ARHGAP44: variants seen among roughly 807,000 people sequenced by gnomAD.
ARHGAP44 encodes the protein Rho GTPase activating protein 44.
Under a neutral mutation model 106.8 loss-of-function variants are expected in ARHGAP44, and 43 were observed. The observed-to-expected ratio is 0.40, with a 90% CI of 0.32 to 0.52. The LOEUF is 0.52. ARHGAP44 is among the 20% of genes least tolerant of loss of function. The pLI is 0.48. For synonymous variants in ARHGAP44, 439 were observed against 410.3 expected (o/e 1.07, Z -0.85); for missense variants, 866 against 1,050.5 (o/e 0.82, Z 2.43).
intron 5 of ARHGAP44, among the ~76,000 whole-genome samples, chr17:12,918,555 C>T (rs552707555): frequency 1.3e-5 from 2 of 152,138 alleles, no homozygotes; most frequent in Non-Finnish European, 2.9e-5. Flanking sequence ...TGGAAGAACT[C>T]GTAGCCGAGA....
At chr17:12,919,387 C>CTT (rs375129968) in intron 5 of ARHGAP44, among the ~76,000 whole-genome samples, 83,959 of 135,674 alleles carry the variant, frequency 0.62, 26,548 homozygotes, top group East Asian at 0.88. Context: ...AATAGTTCTT[C>CTT]TTTTTTTTTT....
intron 16 of ARHGAP44, among the ~76,000 whole-genome samples, chr17:12,967,507 G>A (rs17638387): frequency 0.1 from 15,296 of 152,008 alleles, 889 homozygotes; most frequent in South Asian, 0.2. Flanking sequence ...ATCATGGAGT[G>A]CCCGGGAAGG....
At chr17:12,938,356 G>A (rs2038607810) in intron 7 of ARHGAP44, among the ~76,000 whole-genome samples, 2 of 151,980 alleles carry the variant, frequency 1.3e-5, no homozygotes, top group African/African-American at 2.4e-5. Flanking sequence ...TAATATGGAA[G>A]AATTACTAGA....
At chr17:12,855,776 T>G (rs1195437940) in intron 1 of ARHGAP44, among the ~76,000 whole-genome samples, 1 of 152,238 alleles carries the variant, frequency 6.6e-6, no homozygotes, top group African/African-American at 2.4e-5. Context: ...TGAGAAACAC[T>G]TGTGTGATGA....
intron 1 of ARHGAP44, among the ~76,000 whole-genome samples, chr17:12,807,093 GGA>G (rs1451546512): frequency 6.6e-6 from 1 of 152,116 alleles, no homozygotes; most frequent in Non-Finnish European, 1.5e-5. Context: ...TGCTTACATA[GGA>G]ACCCAAGGCA....
At chr17:12,861,340 A>C (rs2036066603) in intron 1 of ARHGAP44, among the ~76,000 whole-genome samples, 1 of 152,132 alleles carries the variant, frequency 6.6e-6, no homozygotes. Flanking sequence ...TCACAAACTT[A>C]GTGACTTTAA....
At chr17:12,852,173 C>G (rs2035766316) in intron 1 of ARHGAP44, among the ~76,000 whole-genome samples, 1 of 137,660 alleles carries the variant, frequency 7.3e-6, no homozygotes, top group East Asian at 2.4e-4. Flanking sequence ...CACAAAACCA[C>G]CCTCCCCTAA....
intron 10 of ARHGAP44, among the ~76,000 whole-genome samples, chr17:12,944,539 G>A (rs2038798139): frequency 6.6e-6 from 1 of 151,680 alleles, no homozygotes; most frequent in Non-Finnish European, 1.5e-5. Flanking sequence ...AGGCTGGAGT[G>A]CAGTGGCGCG....
chr17:12,826,098 A>T (rs1413286880), intron 1 of ARHGAP44, among the ~76,000 whole-genome samples: 1 of 152,192 alleles, frequency 6.6e-6, no homozygotes, highest in Non-Finnish European at 1.5e-5. Flanking sequence ...CTTTTAAGTC[A>T]GGGGTACGTG....
intron 1 of ARHGAP44, 47 bp from the exon 2 acceptor site, chr17:12,894,893 T>C (rs1255658737): frequency 8.5e-6 from 13 of 1,533,336 alleles, no homozygotes; most frequent in East Asian, 2.4e-5. Flanking sequence ...ATTATGAGGC[T>C]CTGTTGTTAG....
At chr17:12,856,474 T>C (rs2035915210) in intron 1 of ARHGAP44, among the ~76,000 whole-genome samples, 1 of 152,212 alleles carries the variant, frequency 6.6e-6, no homozygotes, top group Non-Finnish European at 1.5e-5. Flanking sequence ...AGTATGACTA[T>C]ATGTAGGAAA....
chr17:12,847,231 G>A (rs2035593985), intron 1 of ARHGAP44, among the ~76,000 whole-genome samples: 1 of 152,196 alleles, frequency 6.6e-6, no homozygotes, highest in Non-Finnish European at 1.5e-5. Flanking sequence ...GAGGAACTAT[G>A]TCTCTACAAA....
intron 16 of ARHGAP44, 67 bp from the exon 17 acceptor site, chr17:12,973,235 A>T: frequency 6.5e-7 from 1 of 1,531,396 alleles, no homozygotes; most frequent in African/African-American, 1.4e-5. Context: ...ACAGAAAGAC[A>T]ACCTTTATGT....
At chr17:12,968,656 C>G (rs765507233) in intron 16 of ARHGAP44, among the ~76,000 whole-genome samples, 21 of 152,104 alleles carry the variant, frequency 1.4e-4, no homozygotes, top group Non-Finnish European at 2.5e-4. Flanking sequence ...CAGAGCCCCG[C>G]GAGACTAAGA....
At chr17:12,971,798 C>A (rs1445999481) in intron 16 of ARHGAP44, among the ~76,000 whole-genome samples, 1 of 152,130 alleles carries the variant, frequency 6.6e-6, no homozygotes, top group Non-Finnish European at 1.5e-5. Flanking sequence ...TTGAAGCCAT[C>A]CAGCGGAGAT....
intron 16 of ARHGAP44, among the ~76,000 whole-genome samples, chr17:12,967,316 A>G (rs571281790): frequency 7.0e-6 from 1 of 143,466 alleles, no homozygotes; most frequent in East Asian, 2.0e-4. Context: ...GCTGGTCTCA[A>G]ACTCCTGGGC....
chr17:12,879,038 T>A (rs924060161), intron 1 of ARHGAP44, among the ~76,000 whole-genome samples: 1 of 152,204 alleles, frequency 6.6e-6, no homozygotes, highest in African/African-American at 2.4e-5. Context: ...GTTACATGAA[T>A]AAGTTCATTA....
In ARHGAP44 at chr17:12,872,034, A is replaced by G. The variant is rs574782495; in HGVS notation, c.54-22906A>G. 2.0e-4 allele frequency among the ~76,000 whole-genome samples: 31 copies of G among 152,312 alleles called. 2 individuals carry two copies. The South Asian group carries it at 5.2e-3, about 25-fold the overall frequency. ...ACACATCCCCTTCTCTGTGGATCCAATATCAAGATACCTATTCCATATAAA... is the reference window on the plus strand; with the variant it reads ...ACACATCCCCTTCTCTGTGGATCCAGTATCAAGATACCTATTCCATATAAA... On this transcript the variant is annotated intron_variant, in intron 1 of 20. Coordinates refer to ENST00000379672, the MANE Select transcript of ARHGAP44 (RefSeq NM_014859.6).
intron 1 of ARHGAP44, among the ~76,000 whole-genome samples, chr17:12,841,912 G>A (rs542371673): frequency 1.3e-4 from 20 of 152,214 alleles, no homozygotes; most frequent in South Asian, 1.2e-3. Context: ...ATGCAAACAC[G>A]TTGAAAAAGA....
Sources: allele counts gnomAD v4.1 joint callset (sites outside exome capture counted in the v4.1 genomes callset), GRCh38; gene constraint gnomAD v4.1.1; transcripts MANE v1.5; gene names NCBI Gene and HGNC (gene_info 2026-07-23, HGNC 2026-07-21).